SLC36A1: variants seen among roughly 807,000 people sequenced by gnomAD.
The protein encoded by SLC36A1 is solute carrier family 36 member 1.
SLC36A1 carries 30 observed loss-of-function variants against 47.5 expected under a neutral mutation model. The ratio of observed to expected loss-of-function variants is 0.63; its 90% CI spans 0.47 to 0.86. SLC36A1 has a LOEUF of 0.86. SLC36A1 is among the 40% of genes least tolerant of loss of function. SLC36A1 has a pLI of 0.00. For missense variants in SLC36A1, 517 were observed against 606.0 expected (o/e 0.85, Z 1.54); for synonymous variants, 255 against 249.7 (o/e 1.02, Z -0.20).
the SLC36A1 span, among the ~76,000 whole-genome samples, chr5:151,386,557 A>G: frequency 7.7e-3 from 1,153 of 150,438 alleles, 19 homozygotes; most frequent in African/African-American, 0.027. Context: ...TGTAGAACCC[A>G]TTTTTGCTTT....
chr5:151,450,835 A>C (rs745857707), intron 1 of SLC36A1: 1 of 152,274 alleles, frequency 6.6e-6, no homozygotes, highest in African/African-American at 2.4e-5. Context: ...TCCAAAGTGC[A>C]TGACTGATTA....
the SLC36A1 span, among the ~76,000 whole-genome samples, chr5:151,417,529 C>G: frequency 6.6e-6 from 1 of 152,126 alleles, no homozygotes. Context: ...TTGCCCCCAA[C>G]CTAGAGATCT....
At chr5:151,486,193 T>C (rs1006671333) in intron 10 of SLC36A1, among the ~76,000 whole-genome samples, 4 of 152,134 alleles carry the variant, frequency 2.6e-5, no homozygotes, top group Non-Finnish European at 1.5e-5. Context: ...GAGCAGGCTT[T>C]ATATGGCAAG....
At chr5:151,519,798 A>G in the SLC36A1 span, among the ~76,000 whole-genome samples, 1 of 152,284 alleles carries the variant, frequency 6.6e-6, no homozygotes, top group Admixed American at 6.5e-5. Context: ...CTGGTGATCC[A>G]TGAGTTTATC....
rs775069582 is a variant in SLC36A1, at chr5:151,479,412, T to G, written c.1082T>G (p.Phe361Cys). The G allele has an allele frequency of 2.2e-5, 35 of 1,614,114 alleles. No individual in the cohort carries two copies. The highest frequency in any genetic ancestry group is 3.3e-4 in the Middle Eastern group (2 of 6,084). The change falls in exon 10 of 11, where the codon TTC becomes TGC. Residue 361 changes from phenylalanine to cysteine, a missense_variant. Physicochemically the swap from Phe to Cys is radical, Grantham distance 205 (BLOSUM62 -2). Transcript: ENST00000243389. ...FYVPAEIIIP[F>C]FVSRAPEHCE... is the part of the protein sequence containing the mutation. Reference sequence around the variant, plus strand: ...GTCCCGGCTGAGATCATCATCCCCTTCTTTGTGTCCCGAGCGCCCGAGCAC... The same window carrying G: ...GTCCCGGCTGAGATCATCATCCCCTGCTTTGTGTCCCGAGCGCCCGAGCAC...
intron 10 of SLC36A1, among the ~76,000 whole-genome samples, chr5:151,486,075 G>A (rs1055207126): frequency 6.6e-5 from 10 of 152,156 alleles, no homozygotes; most frequent in African/African-American, 2.4e-4. Context: ...AAAGAAAAGA[G>A]GTTTATTTTG....
the SLC36A1 span, among the ~76,000 whole-genome samples, chr5:151,345,631 C>T: frequency 2.0e-5 from 3 of 152,160 alleles, no homozygotes; most frequent in Admixed American, 6.5e-5. Flanking sequence ...ACACCCTACT[C>T]GCCAGGCTAG....
At chr5:151,495,657 GA>G (rs1365250264), downstream of SLC36A1, among the ~76,000 whole-genome samples, 5 of 151,980 alleles carry the variant, frequency 3.3e-5, no homozygotes, top group African/African-American at 1.2e-4. Flanking sequence ...CCCCTTTATA[GA>G]TACCCACTCC....
At chr5:151,525,738 T>C in the SLC36A1 span, 1 of 1,613,058 alleles carries the variant, frequency 6.2e-7, no homozygotes, top group Non-Finnish European at 8.5e-7. Context: ...GTCCCCATGG[T>C]CACCACCAGA....
the SLC36A1 span, among the ~76,000 whole-genome samples, chr5:151,345,531 G>C: frequency 6.6e-6 from 1 of 152,126 alleles, no homozygotes; most frequent in Admixed American, 6.5e-5. Context: ...GATTCATCAA[G>C]GGTTAAAGAG....
chr5:151,370,724 A>C, the SLC36A1 span, among the ~76,000 whole-genome samples: 1 of 152,148 alleles, frequency 6.6e-6, no homozygotes, highest in Non-Finnish European at 1.5e-5. Context: ...TGGGCGCGGC[A>C]GCTCACGCCT....
chr5:151,365,214 C>T, the SLC36A1 span, among the ~76,000 whole-genome samples: 1 of 152,232 alleles, frequency 6.6e-6, no homozygotes, highest in Admixed American at 6.5e-5. Flanking sequence ...GGTCCACTGT[C>T]TCCAGCTAGC....
chr5:151,520,121 C>T, the SLC36A1 span, among the ~76,000 whole-genome samples: 1 of 152,218 alleles, frequency 6.6e-6, no homozygotes, highest in African/African-American at 2.4e-5. Context: ...CGAGTGGTCC[C>T]TGGACAAAGT....
intron 8 of SLC36A1, among the ~76,000 whole-genome samples, chr5:151,476,039 A>G (rs1758008682): frequency 1.3e-5 from 2 of 152,260 alleles, no homozygotes; most frequent in African/African-American, 4.8e-5. Context: ...GGGCATTGTT[A>G]AGCACCCATG....
At chr5:151,351,391 A>G in the SLC36A1 span, among the ~76,000 whole-genome samples, 6 of 152,146 alleles carry the variant, frequency 3.9e-5, no homozygotes, top group Non-Finnish European at 5.9e-5. Flanking sequence ...TCAAAAAAAA[A>G]AAAAAGCTAT....
rs768316761 is a variant in SLC36A1 at position 151,490,353 on chromosome 5, T to A, written c.*2099T>A. 2 of 152,294 alleles carry A rather than the reference T, an allele frequency of 1.3e-5. No individual in the cohort carries two copies. Among genetic ancestry groups the A allele is most frequent in the Non-Finnish European group, 2.9e-5 (2 of 68,122 alleles). 9.4% of individuals were successfully genotyped at this position (152,294 alleles called of 1,614,324 possible). A position where few individuals can be genotyped will look rare whatever the true frequency, so the allele number is the denominator to read the frequency against. Reference sequence around the variant, plus strand: ...CAGCCCAGCCGCTATCTTAGCTGTCTTTCCCAGCGGTGCTAAGAGTGGTCT... The same window carrying A: ...CAGCCCAGCCGCTATCTTAGCTGTCATTCCCAGCGGTGCTAAGAGTGGTCT... On this transcript the variant is annotated 3_prime_UTR_variant, in exon 11 of 11. Transcript: ENST00000243389.
chr5:151,553,370 A>C, the SLC36A1 span: 18 of 1,614,068 alleles, frequency 1.1e-5, no homozygotes, highest in Non-Finnish European at 1.5e-5. Context: ...GTGGCTGCCC[A>C]CTGTCTGTTG....
chr5:151,545,627 G>A, the SLC36A1 span: 8 of 1,614,026 alleles, frequency 5.0e-6, no homozygotes, highest in African/African-American at 1.3e-5. Context: ...TGGAAAGAGG[G>A]CATGCTCTCA....
At chr5:151,424,774 T>C in the SLC36A1 span, among the ~76,000 whole-genome samples, 2 of 151,956 alleles carry the variant, frequency 1.3e-5, no homozygotes, top group Non-Finnish European at 1.5e-5. Context: ...TTAATCTTTC[T>C]AATAACTAAG....
Sources: allele counts gnomAD v4.1 joint callset (sites outside exome capture counted in the v4.1 genomes callset), GRCh38; gene constraint gnomAD v4.1.1; transcripts MANE v1.5; gene names NCBI Gene and HGNC (gene_info 2026-07-23, HGNC 2026-07-21).